Variants in CFAP74 observed in about 807,000 individuals in gnomAD.
CFAP74 encodes cilia- and flagella-associated protein 74.
CFAP74 carries 124 observed loss-of-function variants against 188.9 expected under a neutral mutation model. That is an observed-to-expected ratio of 0.66 (90% CI 0.57 to 0.76). The LOEUF (loss-of-function observed/expected upper bound fraction) is 0.76. CFAP74 is among the 30% of genes least tolerant of loss of function. The pLI is 0.00. For synonymous variants in CFAP74, 956 were observed against 916.7 expected (o/e 1.04, Z -0.77); for missense variants, 2,198 against 2,165.2 (o/e 1.02, Z -0.30).
rs199940085 is a variant in CFAP74, at chr1:1,973,011, C to T, written c.711G>A (p.Arg237=). The stretch of plus-strand genomic sequence containing the variant: ...GGGCGTCCTCCAGCAGCTTCTGGTG[C>T]CTGAGCCCGAGCTCCTTCTGGGTGT... The part of the protein sequence containing the change: ...SLNTQKELGL[R]HQKLLEDARK... The change falls in exon 8 of 39, where the codon AGG becomes AGA. Residue 237 remains arginine (R), a synonymous_variant. Coordinates refer to ENST00000682832, the MANE Select transcript of CFAP74 (RefSeq NM_001304360.2). This position sits in a 1 kb window ranked among gnomAD's most constrained non-coding sequence, Gnocchi z 6.2. 5.4e-5 allele frequency: 87 copies of T among 1,613,920 alleles called. No individual in the cohort carries two copies. The highest frequency in any genetic ancestry group is 1.6e-4 in the Middle Eastern group (1 of 6,078).
At chr1:1,932,087 CAAAAA>C (rs370006166) in intron 25 of CFAP74, among the ~76,000 whole-genome samples, 2 of 53,688 alleles carry the variant, frequency 3.7e-5, no homozygotes, top group East Asian at 6.0e-4. Flanking sequence ...AAACAAAAAA[CAAAAA>C]ACAAAAAACT....
At chr1:1,990,325 G>A (rs539796969) in intron 2 of CFAP74, among the ~76,000 whole-genome samples, 3 of 147,918 alleles carry the variant, frequency 2.0e-5, no homozygotes, top group African/African-American at 5.0e-5. Context: ...TTAAATCTCA[G>A]TAAAAATGAT....
At chr1:1,929,622 G>A (rs908926595) in intron 26 of CFAP74, among the ~76,000 whole-genome samples, 2 of 151,738 alleles carry the variant, frequency 1.3e-5, no homozygotes, top group Non-Finnish European at 1.5e-5. Context: ...AGGGTCACCC[G>A]AAGGCCCTGC....
chr1:1,981,471 C>T (rs1369350002), intron 6 of CFAP74, among the ~76,000 whole-genome samples: 44 of 145,358 alleles, frequency 3.0e-4, no homozygotes, highest in African/African-American at 1.1e-3. Flanking sequence ...GACACCCAGC[C>T]GCGGTCACAC....
chr1:1,978,915 G>A (rs1227820112), intron 6 of CFAP74, among the ~76,000 whole-genome samples: 2 of 152,244 alleles, frequency 1.3e-5, no homozygotes, highest in South Asian at 4.1e-4. Context: ...TGAGCTGGGC[G>A]TGGGAAGGCA....
chr1:1,922,490 T>C, intron 38 of CFAP74, 99 bp downstream of exon 38: 1 of 1,550,088 alleles, frequency 6.5e-7, no homozygotes. Flanking sequence ...CCTTGGGTCC[T>C]CCACGGCCAC....
intron 18 of CFAP74, among the ~76,000 whole-genome samples, chr1:1,952,359 A>G (rs984597175): frequency 3.3e-5 from 5 of 151,992 alleles, no homozygotes; most frequent in Admixed American, 1.3e-4. Context: ...AATTAAAAAA[A>G]AAAAAGAAAA....
intron 14 of CFAP74, among the ~76,000 whole-genome samples, chr1:1,963,414 G>A (rs1234677951): frequency 8.2e-6 from 1 of 121,962 alleles, no homozygotes; most frequent in Non-Finnish European, 1.6e-5. Context: ...CCGCGCCATC[G>A]CACTTGCACT....
intron 18 of CFAP74, 111 bp downstream of exon 18, chr1:1,955,580 A>G (rs28548017): frequency 0.82 from 1,326,411 of 1,610,864 alleles, 547,153 homozygotes; most frequent in East Asian, 0.86. Flanking sequence ...TCGAAGGCCT[A>G]GGAAAATTCT....
chr1:1,944,021 C>T (rs1195059842), intron 21 of CFAP74, among the ~76,000 whole-genome samples: 1 of 152,174 alleles, frequency 6.6e-6, no homozygotes, highest in Non-Finnish European at 1.5e-5. Flanking sequence ...ATGACACTGG[C>T]GCCTCCCAGA....
At position 1,934,934 on chromosome 1, in the gene CFAP74, G is replaced by C. The variant is rs1322306502; in HGVS notation, c.3011+3921C>G. Among the ~76,000 whole-genome samples, 126 of 75,626 alleles carry C rather than the reference G, an allele frequency of 1.7e-3. 6 individuals are homozygous for C. Among genetic ancestry groups the C allele is most frequent in the East Asian group, 3.9e-3 (7 of 1,776 alleles). 49.6% of individuals were successfully genotyped at this position (75,626 alleles called of 152,430 possible). A position where few individuals can be genotyped will look rare whatever the true frequency, so the allele number is the denominator to read the frequency against. On this transcript the variant is annotated intron_variant, in intron 25 of 38. Coordinates refer to ENST00000682832, the MANE Select transcript of CFAP74 (RefSeq NM_001304360.2). ...GTGGGTGTTAGGTTGTAGGTACACA[G>C]GTGTGTACGTGGGTGTTAGGTTGTA...
chr1:1,928,334 C>G (rs56173500), intron 27 of CFAP74, among the ~76,000 whole-genome samples: 1 of 151,858 alleles, frequency 6.6e-6, no homozygotes, highest in Non-Finnish European at 1.5e-5. Flanking sequence ...GAAGCCAGGC[C>G]GGGAAGGGCA....
At chr1:1,928,036 T>C (rs2102032425) in intron 27 of CFAP74, 1 of 453,282 alleles carries the variant, frequency 2.2e-6, no homozygotes, top group South Asian at 2.1e-5. Flanking sequence ...TGCCTTCCCC[T>C]ATCTTCACCG....
In CFAP74 at chr1:1,956,722, C is replaced by A. The variant is rs1387726822; in HGVS notation, c.1914G>T (p.Arg638=). The A allele has an allele frequency of 6.2e-6, 10 of 1,613,834 alleles. No homozygotes were observed. The highest frequency in any genetic ancestry group is 8.5e-6 in the Non-Finnish European group (10 of 1,179,944). ...CCCCAACGTTGGTCAGCGTGATGGT[C>A]CGAGACGTGGTCTCTCCTACCACGT... The part of the protein sequence containing the change: ...GSYVVGETTS[R]TITLTNVGGL... The change falls in exon 17 of 39, where the codon CGG becomes CGT. Residue 638 remains arginine, a synonymous_variant. Transcript: ENST00000682832.
chr1:1,928,016 C>T (rs1652054914), intron 27 of CFAP74: 1 of 490,592 alleles, frequency 2.0e-6, no homozygotes, highest in Admixed American at 3.4e-5. Flanking sequence ...AACCGGGGTC[C>T]CCACCCTGGT....
At chr1:1,955,455 T>C in intron 18 of CFAP74, 1 of 1,549,458 alleles carries the variant, frequency 6.5e-7, no homozygotes, top group Non-Finnish European at 8.8e-7. Context: ...GGGCCAATGC[T>C]GGAGGTGCCT....
At chr1:1,996,577 G>A (rs1343355594) in intron 1 of CFAP74, among the ~76,000 whole-genome samples, 2 of 152,140 alleles carry the variant, frequency 1.3e-5, no homozygotes, top group Non-Finnish European at 2.9e-5. Context: ...TTAAGTGTGT[G>A]TAATCTCATG....
Position 1,965,004 on chromosome 1 carries a change from T to C in CFAP74, c.1459A>G (p.Ile487Val), listed in dbSNP as rs1655369484. The C allele has an allele frequency of 6.2e-7, 1 of 1,613,786 alleles. No individual in the cohort carries two copies. Among genetic ancestry groups the C allele is most frequent in the Non-Finnish European group, 8.5e-7 (1 of 1,179,904 alleles). Residue 487 changes from isoleucine (I) to valine (V), a missense_variant, in exon 13 of 39, where the codon ATC (isoleucine) becomes GTC (valine). Ile to Val is a conservative substitution (Grantham distance 29, BLOSUM62 3). Coordinates refer to ENST00000682832, the MANE Select transcript of CFAP74 (RefSeq NM_001304360.2). ...PVGGTKMDKD[I>V]LERTVERLRS... The stretch of plus-strand genomic sequence containing the variant: ...AGCCGCTCCACCGTGCGCTCCAGGA[T>C]GTCCTTGTCCATCTTTGTCCCGCCC...
intron 9 of CFAP74, among the ~76,000 whole-genome samples, chr1:1,971,380 T>C (rs1301309172): frequency 1.3e-5 from 2 of 150,132 alleles, no homozygotes; most frequent in African/African-American, 2.5e-5. Flanking sequence ...CGGTCACACA[T>C]GCACACACGT....
Sources: allele counts gnomAD v4.1 joint callset (sites outside exome capture counted in the v4.1 genomes callset), GRCh38; gene constraint gnomAD v4.1.1; non-coding constraint Gnocchi (gnomAD v3.1); transcripts MANE v1.5; gene names NCBI Gene and HGNC (gene_info 2026-07-23, HGNC 2026-07-21).